Variants in RTP2 observed in about 807,000 individuals in gnomAD.
RTP2 encodes the protein receptor transporter protein 2, also known as receptor-transporting protein 2.
Under a neutral mutation model 17.9 loss-of-function variants are expected in RTP2, and 12 were observed. The observed-to-expected ratio is 0.67, with a 90% CI of 0.43 to 1.09. The LOEUF is 1.09. Among genes scored for constraint, RTP2 ranks in the 50% least tolerant of loss-of-function variants. The pLI is 0.00. For synonymous variants in RTP2, 126 were observed against 117.7 expected (o/e 1.07, Z -0.46); for missense variants, 327 against 295.7 (o/e 1.11, Z -0.78).
intron 1 of RTP2, among the ~76,000 whole-genome samples, chr3:187,699,982 T>G (rs1717805641): frequency 6.6e-6 from 1 of 152,156 alleles, no homozygotes; most frequent in Admixed American, 6.5e-5. Context: ...TTTCCTTCCC[T>G]GAGATGAGCC....
At chr3:187,707,431 G>A (rs1315790090), upstream of RTP2, among the ~76,000 whole-genome samples, 2 of 152,114 alleles carry the variant, frequency 1.3e-5, no homozygotes, top group Non-Finnish European at 1.5e-5. Context: ...AGTGGTATGT[G>A]AATAAACCCT....
intron 1 of RTP2, among the ~76,000 whole-genome samples, chr3:187,700,518 A>G (rs1717818208): frequency 6.6e-6 from 1 of 152,196 alleles, no homozygotes; most frequent in Non-Finnish European, 1.5e-5. Flanking sequence ...TCAGCCCCGA[A>G]ACTCTGGATC....
chr3:187,711,358 C>G, the RTP2 span, among the ~76,000 whole-genome samples: 3 of 152,180 alleles, frequency 2.0e-5, no homozygotes, highest in African/African-American at 7.2e-5. Flanking sequence ...AACACCTGCA[C>G]CATGCACTAT....
At chr3:187,698,711 A>G (rs1247009663) in exon 2 of RTP2, 3 of 1,614,026 alleles carry the variant, frequency 1.9e-6, no homozygotes, top group South Asian at 2.2e-5. Flanking sequence ...GGCAGGCCTC[A>G]CAGAACTCTG....
the RTP2 span, among the ~76,000 whole-genome samples, chr3:187,710,417 G>T: frequency 6.7e-6 from 1 of 148,616 alleles, no homozygotes; most frequent in Admixed American, 6.7e-5. Context: ...TTATATGTAT[G>T]TGTATATCCT....
chr3:187,701,580 C>T (rs1717848118), intron 1 of RTP2, among the ~76,000 whole-genome samples: 1 of 152,158 alleles, frequency 6.6e-6, no homozygotes, highest in African/African-American at 2.4e-5. Context: ...TATCTAGGAA[C>T]AGAGCATAGC....
upstream of RTP2, chr3:187,702,674 G>T (rs1717884759): frequency 2.3e-6 from 1 of 434,916 alleles, no homozygotes; most frequent in African/African-American, 2.0e-5. Context: ...CCTGTGTGCT[G>T]GCCAAAGCAG....
At chr3:187,699,104 C>A in intron 1 of RTP2, 93 bp from the exon 2 acceptor site, 16 of 1,414,490 alleles carry the variant, frequency 1.1e-5, no homozygotes, top group Non-Finnish European at 1.5e-5. Flanking sequence ...CCTGTGTGCC[C>A]GTGCTTGGAG....
At chr3:187,704,811 G>C (rs1354025830), upstream of RTP2, among the ~76,000 whole-genome samples, 1 of 152,150 alleles carries the variant, frequency 6.6e-6, no homozygotes, top group Non-Finnish European at 1.5e-5. Context: ...CCACTCTTTG[G>C]GTGGGAGCTG....
chr3:187,698,636 G>A (rs1393940223), exon 2 of RTP2: 2 of 1,614,128 alleles, frequency 1.2e-6, no homozygotes, highest in Non-Finnish European at 1.7e-6. Flanking sequence ...AGGCTTCAGA[G>A]GTGTAGGTGG....
At chr3:187,699,792 C>A in intron 1 of RTP2, among the ~76,000 whole-genome samples, 1 of 145,204 alleles carries the variant, frequency 6.9e-6, no homozygotes, top group African/African-American at 2.7e-5. Context: ...CATATATTTT[C>A]TCTCTCTCTC....
At chr3:187,707,740 T>C in the RTP2 span, among the ~76,000 whole-genome samples, 2 of 152,234 alleles carry the variant, frequency 1.3e-5, no homozygotes, top group East Asian at 3.8e-4. Context: ...TATTTGCATA[T>C]CAACAATGTG....
Position 187,702,151 on chromosome 3 carries a change from G to T in RTP2, c.-23C>A. 1 of 1,582,162 alleles carries T rather than the reference G, an allele frequency of 6.3e-7. No individual in the cohort carries two copies. The highest frequency in any genetic ancestry group is 8.6e-7 in the Non-Finnish European group (1 of 1,161,292). ...CATGGTCCTGCTGGCAGAGGTGGCA[G>T]TTCGAGCTCAGCCCTGGTGAGAACA... On this transcript the variant is annotated 5_prime_UTR_variant, in exon 1 of 2. The change creates a new upstream start codon in the 5' untranslated region. Coordinates refer to ENST00000358241, the Ensembl canonical transcript of RTP2.
chr3:187,704,564 A>C (rs1302662689), upstream of RTP2, among the ~76,000 whole-genome samples: 1 of 152,174 alleles, frequency 6.6e-6, no homozygotes, highest in Non-Finnish European at 1.5e-5. Context: ...AAAATGAAAA[A>C]CAAAAAAAGA....
upstream of RTP2, among the ~76,000 whole-genome samples, chr3:187,707,186 A>G (rs1718014480): frequency 6.6e-6 from 1 of 152,226 alleles, no homozygotes; most frequent in African/African-American, 2.4e-5. Flanking sequence ...TGGTGTCACA[A>G]GAGAATCAGG....
At chr3:187,713,075 G>A in the RTP2 span, among the ~76,000 whole-genome samples, 2 of 152,152 alleles carry the variant, frequency 1.3e-5, no homozygotes, top group Non-Finnish European at 2.9e-5. Context: ...GTGTAATCAG[G>A]AGACCAGTGC....
the RTP2 span, among the ~76,000 whole-genome samples, chr3:187,712,791 C>G: frequency 6.6e-6 from 1 of 152,182 alleles, no homozygotes; most frequent in African/African-American, 2.4e-5. Context: ...AGAGCAATCT[C>G]CTACCTCCAT....
chr3:187,708,409 C>T, the RTP2 span, among the ~76,000 whole-genome samples: 47 of 152,314 alleles, frequency 3.1e-4, 1 homozygote, highest in East Asian at 8.3e-3. Context: ...TGTGTCATGA[C>T]CTGAAAGGCA....
At chr3:187,700,434 G>A (rs994404903) in intron 1 of RTP2, among the ~76,000 whole-genome samples, 2 of 152,208 alleles carry the variant, frequency 1.3e-5, no homozygotes, top group Admixed American at 1.3e-4. Flanking sequence ...GAGGCCAGCT[G>A]GGAGCCACAA....
Sources: gnomAD v4.1 joint callset for allele counts (sites outside exome capture counted in the v4.1 genomes callset) on GRCh38, gnomAD v4.1.1 for gene constraint, MANE v1.5 for transcripts, NCBI Gene and HGNC (gene_info 2026-07-23, HGNC 2026-07-21) for gene names.